Variants in GET3 observed in about 807,000 individuals in gnomAD.
GET3 encodes the protein guided entry of tail-anchored proteins factor 3, ATPase.
A neutral mutation model predicts 32.4 loss-of-function variants in GET3; 15 were observed. That is an observed-to-expected ratio of 0.46 (90% CI 0.31 to 0.71). The LOEUF is 0.71. Among genes scored for constraint, GET3 ranks in the 30% least tolerant of loss-of-function variants. The pLI is 0.05. For synonymous variants in GET3, 198 were observed against 185.6 expected, an observed-to-expected ratio of 1.07 and a Z score of -0.54; for missense variants, 333 against 459.0, an observed-to-expected ratio of 0.73 and a Z score of 2.51.
chr19:12,741,015 A>C (rs933508730), intron 2 of GET3, among the ~76,000 whole-genome samples: 1 of 152,172 alleles, frequency 6.6e-6, no homozygotes, highest in Non-Finnish European at 1.5e-5. Flanking sequence ...TGCCCATTGG[A>C]GATTTGTGTT....
chr19:12,747,856 C>G lies in GET3; in HGVS notation c.916-117C>G, dbSNP rs2145697026. 1 of 1,165,960 alleles carries G rather than the reference C, an allele frequency of 8.6e-7. No individual in the cohort carries two copies. The highest frequency in any genetic ancestry group is 1.2e-6 in the Non-Finnish European group (1 of 819,260). The allele number at this position is 1,165,960 out of a possible 1,614,324, so 72.2% of individuals were successfully genotyped here. A position where few individuals can be genotyped will look rare whatever the true frequency, so the allele number is the denominator to read the frequency against. On this transcript the variant is annotated intron_variant, in intron 6 of 6. Coordinates refer to ENST00000357332, the MANE Select transcript of GET3 (RefSeq NM_004317.4). This position sits in a 1 kb window ranked among gnomAD's most constrained non-coding sequence, Gnocchi z 4.0. ...ACTTATGACACCTTAAGCTCCTGCC[C>G]TATATTCTCTCCCTGACTCTGGAAG... is the stretch of plus-strand genomic sequence containing the variant.
At chr19:12,740,160 A>G (rs1967640376) in intron 2 of GET3, among the ~76,000 whole-genome samples, 2 of 151,762 alleles carry the variant, frequency 1.3e-5, no homozygotes, top group South Asian at 4.2e-4. Context: ...AGGCGGGTGG[A>G]TCACAAGGTC....
chr19:12,738,053 C>G (rs142131582), intron 1 of GET3, among the ~76,000 whole-genome samples: 1 of 152,012 alleles, frequency 6.6e-6, no homozygotes, highest in East Asian at 1.9e-4. Context: ...GGGTGGAAAG[C>G]GAGGGAGAGA....
chr19:12,747,838 A>T lies in GET3; in HGVS notation c.916-135A>T, dbSNP rs939198122. ...CATAGTGATGCAGCTCCCACTTATG[A>T]CACCTTAAGCTCCTGCCCTATATTC... On this transcript the variant is annotated intron_variant, in intron 6 of 6. Transcript: ENST00000357332. The surrounding 1 kb of genome is among the most constrained non-coding windows in gnomAD (Gnocchi z 4.0). 7.5e-6 allele frequency: 8 copies of T among 1,062,570 alleles called. No individual in the cohort carries two copies. The highest frequency in any genetic ancestry group is 1.1e-5 in the Non-Finnish European group (8 of 729,952). 65.8% of individuals were successfully genotyped at this position (1,062,570 alleles called of 1,614,324 possible). A position where few individuals can be genotyped will look rare whatever the true frequency, so the allele number is the denominator to read the frequency against.
chr19:12,737,625 C>G lies in GET3; in HGVS notation c.120C>G (p.Ile40Met). Residue 40 changes from isoleucine to methionine, a missense_variant, in exon 1 of 7, where the codon ATC (isoleucine) becomes ATG (methionine). Around this residue, in one of 3 missense-constraint regions of GET3, gnomAD observed 230 missense variants for 389.2 expected, o/e 0.59. Coordinates refer to ENST00000357332, the MANE Select transcript of GET3 (RefSeq NM_004317.4). The part of the protein sequence containing the change: ...NIIEQRSLKW[I>M]FVGGKGGVGK... ...TCGAGCAGCGCAGCCTGAAGTGGAT[C>G]TTCGTCGGGGGCAAGGGTGGTGTGG... 1 of 1,611,210 alleles carries G rather than the reference C, an allele frequency of 6.2e-7. No homozygotes were observed.
intron 2 of GET3, among the ~76,000 whole-genome samples, chr19:12,744,308 G>C (rs1967729086): frequency 6.6e-6 from 1 of 151,404 alleles, no homozygotes; most frequent in Non-Finnish European, 1.5e-5. Flanking sequence ...CTACATACAT[G>C]TTTGTGTTTT....
At position 12,748,090 on chromosome 19, in the gene GET3, C is replaced by T; in HGVS notation, c.1033C>T (p.Pro345Ser). The change falls in exon 7 of 7, where the codon CCC becomes TCC. Residue 345 changes from proline (P) to serine (S), a missense_variant. Pro to Ser is a moderately conservative substitution (Grantham distance 74). Around this residue, in one of 3 missense-constraint regions of GET3, gnomAD observed 39 missense variants for 33.0 expected, o/e 1.18. Transcript: ENST00000357332. ...SALLLEPYKPPSAQ is the reference protein window; with the variant it reads ...SALLLEPYKPSSAQ ...CCTCCTCCTGGAGCCCTACAAGCCC[C>T]CCAGTGCCCAGTAGCACAGCTGCCA... 6.3e-7 allele frequency: 1 copy of T among 1,598,264 alleles called. No individual in the cohort carries two copies. Among genetic ancestry groups the T allele is most frequent in the Non-Finnish European group, 8.6e-7 (1 of 1,169,396 alleles).
At position 12,745,215 on chromosome 19, in the gene GET3, G is replaced by A. The variant is rs1276611222; in HGVS notation, c.310-162G>A. 6.6e-6 allele frequency among the ~76,000 whole-genome samples: 1 copy of A among 151,958 alleles called. No homozygotes were observed. Among genetic ancestry groups the A allele is most frequent in the African/African-American group, 2.4e-5 (1 of 41,358 alleles). On this transcript the variant is annotated intron_variant, in intron 2 of 6. Transcript: ENST00000357332. This position sits in a 1 kb window ranked among gnomAD's most constrained non-coding sequence, Gnocchi z 5.0. ...ACAAAACCCTAAGTACTACCTCAGGGTCCCCCCAGCCGTGACCTAATGAAA... is the reference window on the plus strand; with the variant it reads ...ACAAAACCCTAAGTACTACCTCAGGATCCCCCCAGCCGTGACCTAATGAAA...
intron 2 of GET3, among the ~76,000 whole-genome samples, chr19:12,743,353 G>A (rs1239103867): frequency 6.6e-6 from 1 of 151,986 alleles, no homozygotes; most frequent in Non-Finnish European, 1.5e-5. Flanking sequence ...GCGCATGCCT[G>A]TAATCCCAGC....
chr19:12,743,475 GA>G (rs747023355), intron 2 of GET3, among the ~76,000 whole-genome samples: 2,907 of 141,120 alleles, frequency 0.021, 53 homozygotes, highest in Middle Eastern at 0.084. Flanking sequence ...CTCCATCTCA[GA>G]AAAAAAAAAA....
At position 12,745,402 on chromosome 19, in the gene GET3, C is replaced by T. The variant is rs144446697; in HGVS notation, c.335C>T (p.Ala112Val). 5 of 1,611,460 alleles carry T rather than the reference C, an allele frequency of 3.1e-6. No homozygotes were observed. The highest frequency in any genetic ancestry group is 2.2e-5 in the East Asian group (1 of 44,876). Residue 112 changes from alanine to valine, a missense_variant, in exon 3 of 7, where the codon GCG becomes GTG. Coordinates refer to ENST00000357332, the MANE Select transcript of GET3 (RefSeq NM_004317.4). The surrounding 1 kb of genome is among the most constrained non-coding windows in gnomAD (Gnocchi z 5.0). Reference sequence around the variant, plus strand: ...GAGATTGACCCCAGCCTGGGCGTGGCGGAGCTGCCTGACGAGTTCTTCGAG... The same window carrying T: ...GAGATTGACCCCAGCCTGGGCGTGGTGGAGCTGCCTGACGAGTTCTTCGAG... ...AMEIDPSLGV[A>V]ELPDEFFEED...
intron 2 of GET3, among the ~76,000 whole-genome samples, chr19:12,742,628 A>G (rs2145689356): frequency 6.6e-6 from 1 of 151,758 alleles, no homozygotes; most frequent in Middle Eastern, 3.4e-3. Flanking sequence ...GTTAACCAGG[A>G]TGGTCTCGAT....
upstream of GET3, chr19:12,737,304 C>T: frequency 1.4e-6 from 1 of 724,166 alleles, no homozygotes; most frequent in Non-Finnish European, 2.1e-6. Flanking sequence ...TAGGGGGAAC[C>T]CTTGGAAAAT....
Position 12,745,595 on chromosome 19 carries a change from C to T in GET3, c.459-14C>T. On this transcript the variant is annotated splice_polypyrimidine_tract_variant and intron_variant, in intron 3 of 6. Coordinates refer to ENST00000357332, the MANE Select transcript of GET3 (RefSeq NM_004317.4). This position sits in a 1 kb window ranked among gnomAD's most constrained non-coding sequence, Gnocchi z 5.0. Reference sequence around the variant, plus strand: ...AGAGCGGACACAGAGGGCCTGACCCCTGTCTCCCCTCAGGCTGGTGAAGGG... The same window carrying T: ...AGAGCGGACACAGAGGGCCTGACCCTTGTCTCCCCTCAGGCTGGTGAAGGG... 6.2e-7 allele frequency: 1 copy of T among 1,612,496 alleles called. No homozygotes were observed. The highest frequency in any genetic ancestry group is 1.1e-5 in the South Asian group (1 of 91,072).
At chr19:12,746,867 G>A (rs532326417) in intron 4 of GET3, among the ~76,000 whole-genome samples, 8 of 151,934 alleles carry the variant, frequency 5.3e-5, no homozygotes, top group African/African-American at 1.9e-4. Flanking sequence ...AAAATTAGCC[G>A]GGCATGGTGG....
At chr19:12,742,873 A>G (rs1043621635) in intron 2 of GET3, among the ~76,000 whole-genome samples, 5 of 152,092 alleles carry the variant, frequency 3.3e-5, no homozygotes, top group Admixed American at 2.6e-4. Flanking sequence ...AAGAAAGAAA[A>G]AAAAAGCTGG....
rs1310093772 is a variant in GET3, at chr19:12,745,699, G to A, written c.549G>A (p.Val183=). The A allele has an allele frequency of 2.5e-6, 4 of 1,612,850 alleles. No homozygotes were observed. Among genetic ancestry groups the A allele is most frequent in the Non-Finnish European group, 3.4e-6 (4 of 1,179,970 alleles). Residue 183 remains valine, a synonymous_variant, in exon 4 of 7, where the codon GTG becomes GTA. Transcript: ENST00000357332. The surrounding 1 kb of genome is among the most constrained non-coding windows in gnomAD (Gnocchi z 5.0). ...TLRLLNFPTI[V]ERGLGRLMQI... Reference sequence around the variant, plus strand: ...GGCTGCTCAACTTCCCCACCATCGTGGAGCGGGGCCTGGGCCGGCTTATGC... The same window carrying A: ...GGCTGCTCAACTTCCCCACCATCGTAGAGCGGGGCCTGGGCCGGCTTATGC...
chr19:12,742,389 A>T lies in GET3; in HGVS notation c.310-2988A>T, dbSNP rs186570851. Reference sequence around the variant, plus strand: ...TGTGATTACAGGCGCCCGCCACCACATCCGGCTAATTTTTGTTTTGGGGGG... The same window carrying T: ...TGTGATTACAGGCGCCCGCCACCACTTCCGGCTAATTTTTGTTTTGGGGGG... On this transcript the variant is annotated intron_variant, in intron 2 of 6. Transcript: ENST00000357332. Among the ~76,000 whole-genome samples, 158 of 151,132 alleles carry T rather than the reference A, an allele frequency of 1.0e-3. 3 individuals are homozygous for T. The East Asian group carries it at 0.028, about 27-fold the overall frequency.
At chr19:12,738,908 G>A (rs2145684839) in intron 2 of GET3, among the ~76,000 whole-genome samples, 1 of 152,328 alleles carries the variant, frequency 6.6e-6, no homozygotes, top group East Asian at 1.9e-4. Flanking sequence ...GAGCCACATG[G>A]TGTGGGACCT....
Sources: allele counts gnomAD v4.1 joint callset (sites outside exome capture counted in the v4.1 genomes callset), GRCh38; gene constraint gnomAD v4.1.1; regional missense constraint gnomAD v4.1.1; non-coding constraint Gnocchi (gnomAD v3.1); transcripts MANE v1.5; gene names NCBI Gene and HGNC (gene_info 2026-07-23, HGNC 2026-07-21).